The following CXXC4 variants were observed in gnomAD, a reference collection of about 807,000 sequenced individuals.
CXXC4 encodes the protein CXXC finger protein 4.
CXXC4 carries 5 observed loss-of-function variants against 20.5 expected under a neutral mutation model. The observed-to-expected ratio is 0.24, with a 90% confidence interval of 0.13 to 0.51. CXXC4 has a LOEUF of 0.51. Among genes scored for constraint, CXXC4 ranks in the 20% least tolerant of loss-of-function variants. The pLI is 0.97. For synonymous variants in CXXC4, 250 were observed against 216.4 expected (o/e 1.16, Z -1.36); for missense variants, 419 against 496.4 (o/e 0.84, Z 1.48).
chr4:104,473,935 T>C (rs1736341686), intron 2 of CXXC4, among the ~76,000 whole-genome samples: 1 of 151,970 alleles, frequency 6.6e-6, no homozygotes. Context: ...CATCTAATAA[T>C]AAAAGTATTA....
chr4:104,474,730 C>T (rs1338393812), intron 2 of CXXC4, among the ~76,000 whole-genome samples: 1 of 151,914 alleles, frequency 6.6e-6, no homozygotes, highest in Non-Finnish European at 1.5e-5. Flanking sequence ...CTCTCAGATG[C>T]CAACTGGAAA....
chr4:104,483,887 T>C (rs543278994), intron 2 of CXXC4, among the ~76,000 whole-genome samples: 22 of 152,136 alleles, frequency 1.4e-4, no homozygotes, highest in African/African-American at 4.8e-4. Context: ...TGGCTCACCA[T>C]ATTGACTGAC....
intron 2 of CXXC4, among the ~76,000 whole-genome samples, chr4:104,472,884 T>C (rs1736311625): frequency 6.6e-6 from 1 of 151,932 alleles, no homozygotes; most frequent in Admixed American, 6.6e-5. Flanking sequence ...TTTGTATTTC[T>C]AAAGATACAA....
intron 2 of CXXC4, among the ~76,000 whole-genome samples, chr4:104,488,408 C>G (rs1454716822): frequency 6.6e-6 from 1 of 152,226 alleles, no homozygotes; most frequent in East Asian, 1.9e-4. Context: ...AGGTCTAAGG[C>G]AGTCATGATG....
At chr4:104,476,959 C>G (rs1736424323) in intron 2 of CXXC4, among the ~76,000 whole-genome samples, 1 of 152,118 alleles carries the variant, frequency 6.6e-6, no homozygotes, top group Non-Finnish European at 1.5e-5. Flanking sequence ...CCAATACCAC[C>G]TACTGTATAA....
At chr4:104,489,750 T>C (rs1736791257) in intron 2 of CXXC4, among the ~76,000 whole-genome samples, 1 of 152,236 alleles carries the variant, frequency 6.6e-6, no homozygotes, top group Non-Finnish European at 1.5e-5. Context: ...ACAAAATTTT[T>C]ATCAAAGGTA....
rs369441679 is a variant in CXXC4, at chr4:104,472,346, A to C, written c.1080T>G (p.Ala360=). ...TSLERTPVPS[A]EAFRWFF is the part of the protein sequence containing the mutation. ...TTTAAAAGAACCATCGGAATGCTTC[A>C]GCGCTGGGAACAGGTGTTCTCTATA... The change falls in exon 3 of 3, where the codon GCT becomes GCG. Residue 360 remains alanine (A), a synonymous_variant. Transcript: ENST00000394767. 4 of 1,605,736 alleles carry C rather than the reference A, an allele frequency of 2.5e-6. No individual in the cohort carries two copies. The African/African-American group carries it at 5.4e-5, about 22-fold the overall frequency.
Position 104,472,143 on chromosome 4 carries a change from A to G in CXXC4, c.*179T>C, listed in dbSNP as rs1045032985. 1 of 417,788 alleles carries G rather than the reference A, an allele frequency of 2.4e-6. No homozygotes were observed. Among genetic ancestry groups the G allele is most frequent in the African/African-American group, 2.1e-5 (1 of 46,878 alleles). 25.9% of individuals were successfully genotyped at this position (417,788 alleles called of 1,614,324 possible). ...GGCCAATTCTCCAAGCTCTCACATTATTTTTATGTCTTTTTCTTTTCTTTT... is the reference window on the plus strand; with the variant it reads ...GGCCAATTCTCCAAGCTCTCACATTGTTTTTATGTCTTTTTCTTTTCTTTT... On this transcript the variant is annotated 3_prime_UTR_variant, in exon 3 of 3. Coordinates refer to ENST00000394767, the MANE Select transcript of CXXC4 (RefSeq NM_025212.4).
chr4:104,481,300 T>C (rs1185436789), intron 2 of CXXC4, among the ~76,000 whole-genome samples: 1 of 151,918 alleles, frequency 6.6e-6, no homozygotes, highest in African/African-American at 2.4e-5. Flanking sequence ...GAGGCTGGGG[T>C]GGGCGGATTA....
intron 2 of CXXC4, among the ~76,000 whole-genome samples, chr4:104,482,146 C>T (rs1334674623): frequency 5.3e-5 from 8 of 152,178 alleles, no homozygotes; most frequent in African/African-American, 1.9e-4. Flanking sequence ...TTTTTCTGCT[C>T]CATTTTATTC....
chr4:104,472,968 T>A (rs114101670), intron 2 of CXXC4, among the ~76,000 whole-genome samples: 28 of 152,052 alleles, frequency 1.8e-4, no homozygotes, highest in African/African-American at 6.5e-4. Context: ...TGACTATGAT[T>A]GAATTACTCT....
At position 104,490,898 on chromosome 4, in the gene CXXC4, T is replaced by C. The variant is rs1265882250; in HGVS notation, c.905A>G (p.Lys302Arg). Residue 302 changes from lysine to arginine, a missense_variant, in exon 2 of 3, where the codon AAG (lysine) becomes AGG (arginine). Physicochemically the swap from Lys to Arg is conservative, Grantham distance 26. Coordinates refer to ENST00000394767, the MANE Select transcript of CXXC4 (RefSeq NM_025212.4). ...GACCCCACACCTTTTCCTCTTCTTC[T>C]TGGCTGGGTTGGCTCCGCCAGCTCC... Reference protein sequence around the residue: ...SGGAGGANPAKKKRKRCGVCV... With the variant: ...SGGAGGANPARKKRKRCGVCV... 6.2e-7 allele frequency: 1 copy of C among 1,614,060 alleles called. No homozygotes were observed. The highest frequency in any genetic ancestry group is 8.5e-7 in the Non-Finnish European group (1 of 1,180,044).
In CXXC4 at chr4:104,491,454, C is replaced by G. The variant is rs1216214807; in HGVS notation, c.349G>C (p.Gly117Arg). The G allele has an allele frequency of 2.2e-6, 2 of 923,188 alleles. No individual in the cohort carries two copies. Among genetic ancestry groups the G allele is most frequent in the Non-Finnish European group, 1.3e-6 (1 of 748,674 alleles). The allele number at this position is 923,188 out of a possible 1,614,324, so 57.2% of individuals were successfully genotyped here. The part of the protein sequence containing the change: ...SGGGGGGGGG[G>R]GGGGGGGGGG... ...CCGCCGCCGCCGCCGCCGCCGCCAC[C>G]CCCCCCGCCGCCGCCCCCGCCCCCG... is the stretch of plus-strand genomic sequence containing the variant. Residue 117 changes from glycine (G) to arginine (R), a missense_variant, in exon 2 of 3, where the codon GGT (glycine) becomes CGT (arginine). Transcript: ENST00000394767.
At chr4:104,489,223 T>C (rs1029218471) in intron 2 of CXXC4, among the ~76,000 whole-genome samples, 1 of 152,128 alleles carries the variant, frequency 6.6e-6, no homozygotes, top group East Asian at 1.9e-4. Context: ...ATTTATCTTA[T>C]AAAGAAGAAT....
chr4:104,491,523 C>T lies in CXXC4; in HGVS notation c.280G>A (p.Ala94Thr). The change falls in exon 2 of 3, where the codon GCG becomes ACG. Residue 94 changes from alanine to threonine, a missense_variant. Around this residue, in one of 3 missense-constraint regions of CXXC4, gnomAD observed 388 missense variants for 416.0 expected, o/e 0.93. Transcript: ENST00000394767. Reference sequence around the variant, plus strand: ...GCGGTGGCGGCGGCGGCGGTGGCCGCGTTGTCGCAGTTCCAGGGGGACATG... The same window carrying T: ...GCGGTGGCGGCGGCGGCGGTGGCCGTGTTGTCGCAGTTCCAGGGGGACATG... The part of the protein sequence containing the change: ...IGMSPWNCDN[A>T]ATAAAATAML... The T allele has an allele frequency of 2.2e-6, 3 of 1,346,116 alleles. No individual in the cohort carries two copies. The highest frequency in any genetic ancestry group is 2.9e-6 in the Non-Finnish European group (3 of 1,037,736). The allele number at this position is 1,346,116 out of a possible 1,614,324, so 83.4% of individuals were successfully genotyped here.
chr4:104,474,410 A>T (rs1050833747), intron 2 of CXXC4, among the ~76,000 whole-genome samples: 1 of 152,038 alleles, frequency 6.6e-6, no homozygotes, highest in Non-Finnish European at 1.5e-5. Flanking sequence ...AAGCTACATG[A>T]CGTAATAAGA....
At chr4:104,473,691 A>C (rs1228849879) in intron 2 of CXXC4, among the ~76,000 whole-genome samples, 1 of 151,984 alleles carries the variant, frequency 6.6e-6, no homozygotes, top group Non-Finnish European at 1.5e-5. Flanking sequence ...TAAGTATATA[A>C]ATTGATGTGT....
At chr4:104,492,196 A>T (rs1334463794) in intron 1 of CXXC4, 137 bp from the exon 2 acceptor site, 4 of 149,056 alleles carry the variant, frequency 2.7e-5, no homozygotes, top group African/African-American at 5.1e-5. Context: ...AATCATCAAG[A>T]CGTGACCCCC....
intron 2 of CXXC4, among the ~76,000 whole-genome samples, chr4:104,481,347 T>C (rs1364785499): frequency 6.6e-6 from 1 of 152,066 alleles, no homozygotes; most frequent in African/African-American, 2.4e-5. Context: ...CTGGCCAACA[T>C]GGTGAAACCC....
Sources: gnomAD v4.1 joint callset for allele counts (sites outside exome capture counted in the v4.1 genomes callset) on GRCh38, gnomAD v4.1.1 for gene constraint, gnomAD v4.1.1 regional missense constraint, MANE v1.5 for transcripts, NCBI Gene and HGNC (gene_info 2026-07-23, HGNC 2026-07-21) for gene names.